The following PLEKHG6 variants were observed in gnomAD, a reference collection of about 807,000 sequenced individuals.
The protein encoded by PLEKHG6 is pleckstrin homology domain-containing family G member 6.
PLEKHG6 carries 91 observed loss-of-function variants against 97.5 expected under a neutral mutation model. The ratio of observed to expected loss-of-function variants is 0.93; its 90% CI spans 0.79 to 1.11. PLEKHG6 has a LOEUF of 1.11. PLEKHG6 is among the 50% of genes most tolerant of loss of function. The pLI is 0.00. For synonymous variants in PLEKHG6, 466 were observed against 425.5 expected, an observed-to-expected ratio of 1.10 and a Z score of -1.17; for missense variants, 1,044 against 1,031.0, an observed-to-expected ratio of 1.01 and a Z score of -0.17.
At chr12:6,317,833 TC>T in intron 9 of PLEKHG6, 23 bp from the exon 10 acceptor site, 1 of 1,542,030 alleles carries the variant, frequency 6.5e-7, no homozygotes, top group Non-Finnish European at 8.8e-7. Flanking sequence ...CCGTCCCTCC[TC>T]CCACACCCCC....
intron 13 of PLEKHG6, among the ~76,000 whole-genome samples, chr12:6,325,217 C>T (rs1947825051): frequency 6.6e-6 from 1 of 150,730 alleles, no homozygotes; most frequent in South Asian, 2.1e-4. Context: ...CCTTCTGTAA[C>T]TCTTTACCCT....
At position 6,313,702 on chromosome 12, in the gene PLEKHG6, C is replaced by T; in HGVS notation, c.212C>T (p.Pro71Leu). Residue 71 changes from proline to leucine, a missense_variant, in exon 3 of 16, where the codon CCC becomes CTC. Transcript: ENST00000684764. ...RGSGQARGLS[P>L]MRLRDPEPEK... ...TCTGGCCAGGCCCGAGGCCTGTCAC[C>T]CATGAGACTGCGAGATCCAGAGCCC... is the stretch of plus-strand genomic sequence containing the variant. The T allele has an allele frequency of 6.2e-7, 1 of 1,613,468 alleles. No homozygotes were observed.
intron 13 of PLEKHG6, among the ~76,000 whole-genome samples, chr12:6,325,563 C>A (rs934177374): frequency 6.6e-6 from 1 of 152,192 alleles, no homozygotes; most frequent in African/African-American, 2.4e-5. Flanking sequence ...ACTTTCCTCC[C>A]TCTGAAGGAC....
chr12:6,318,109 T>C, intron 10 of PLEKHG6, 115 bp downstream of exon 10: 1 of 1,386,844 alleles, frequency 7.2e-7, no homozygotes, highest in East Asian at 2.5e-5. Flanking sequence ...GTGTCCATCA[T>C]TCCTACCTGG....
chr12:6,313,743 G>A lies in PLEKHG6; in HGVS notation c.253G>A (p.Gly85Ser), dbSNP rs757941607. 2 of 1,607,892 alleles carry A rather than the reference G, an allele frequency of 1.2e-6. No individual in the cohort carries two copies. Among genetic ancestry groups the A allele is most frequent in the South Asian group, 2.2e-5 (2 of 90,356 alleles). ...TCCAGAGCCCGAGAAGAGGCACGGGGGCCATGTGGGGGCTGGCCTGCTTCA... is the reference window on the plus strand; with the variant it reads ...TCCAGAGCCCGAGAAGAGGCACGGGAGCCATGTGGGGGCTGGCCTGCTTCA... ...RDPEPEKRHG[G>S]HVGAGLLHSP... The change falls in exon 3 of 16, where the codon GGC becomes AGC. Residue 85 changes from glycine to serine, a missense_variant. Coordinates refer to ENST00000684764, the MANE Select transcript of PLEKHG6 (RefSeq NM_001384598.1).
intron 13 of PLEKHG6, among the ~76,000 whole-genome samples, chr12:6,324,488 C>T (rs529106866): frequency 1.5e-3 from 221 of 152,234 alleles, no homozygotes; most frequent in African/African-American, 5.1e-3. Flanking sequence ...CCCAGCAGGA[C>T]AAGCAGATCG....
At chr12:6,312,137 A>C in intron 1 of PLEKHG6, 22 bp from the exon 2 acceptor site, 4 of 1,155,512 alleles carry the variant, frequency 3.5e-6, no homozygotes, top group South Asian at 2.0e-5. Context: ...TGGCCCTTCC[A>C]TTCCTCTTTT....
Position 6,326,417 on chromosome 12 carries a change from T to C in PLEKHG6, c.1525-11T>C, listed in dbSNP as rs1344055426. ...ATGAGAGCTCTTAATAACGAAAGTG[T>C]CCTGTCCCAGGCCGCCCTACAGAAG... On this transcript the variant is annotated splice_polypyrimidine_tract_variant and intron_variant, in intron 13 of 15. Coordinates refer to ENST00000684764, the MANE Select transcript of PLEKHG6 (RefSeq NM_001384598.1). 6.2e-7 allele frequency: 1 copy of C among 1,612,256 alleles called. No homozygotes were observed. Among genetic ancestry groups the C allele is most frequent in the Admixed American group, 1.7e-5 (1 of 59,980 alleles).
intron 14 of PLEKHG6, 112 bp downstream of exon 14, chr12:6,326,685 C>A: frequency 9.5e-7 from 1 of 1,055,150 alleles, no homozygotes; most frequent in Non-Finnish European, 1.3e-6. Context: ...TAGAGGAACG[C>A]AGGCGTAGGG....
rs188449966 is a variant in PLEKHG6 at position 6,313,284 on chromosome 12, C to T, written c.139-345C>T. The T allele has an allele frequency of 1.4e-4, 160 of 1,155,672 alleles. 1 individual carries two copies. In the African/African-American group the frequency reaches 2.1e-3, roughly 15 times the overall value. 71.6% of individuals were successfully genotyped at this position (1,155,672 alleles called of 1,614,324 possible). ...GTGTGCACCACGCCTTGTCCATGCACCCCCCATGGTACGGAGAGCAGGAGG... is the reference window on the plus strand; with the variant it reads ...GTGTGCACCACGCCTTGTCCATGCATCCCCCATGGTACGGAGAGCAGGAGG... On this transcript the variant is annotated intron_variant, in intron 2 of 15. Transcript: ENST00000684764.
At position 6,327,655 on chromosome 12, in the gene PLEKHG6, G is replaced by A. The variant is rs748850095; in HGVS notation, c.2072G>A (p.Arg691Gln). The change falls in exon 15 of 16, where the codon CGG becomes CAG. Residue 691 changes from arginine to glutamine, a missense_variant. Coordinates refer to ENST00000684764, the MANE Select transcript of PLEKHG6 (RefSeq NM_001384598.1). ...VVETLHRARL[R>Q]GQLPSSPTHA... ...GAAACACTCCACAGGGCCCGGCTTCGGGGCCAGCTTCCCTCCTCCCCAACC... is the reference window on the plus strand; with the variant it reads ...GAAACACTCCACAGGGCCCGGCTTCAGGGCCAGCTTCCCTCCTCCCCAACC... 1.1e-5 allele frequency: 17 copies of A among 1,558,918 alleles called. No homozygotes were observed. The highest frequency in any genetic ancestry group is 9.5e-5 in the African/African-American group (7 of 73,364).
rs1369621949 is a variant in PLEKHG6, at chr12:6,317,848, C to T, written c.1018-9C>T. On this transcript the variant is annotated splice_polypyrimidine_tract_variant and intron_variant, in intron 9 of 15. Transcript: ENST00000684764. ...CCGTCCCTCCTCCCACACCCCCAAC[C>T]CCACCTAGATTGAAGCCGTGGAGTC... 1 of 1,550,044 alleles carries T rather than the reference C, an allele frequency of 6.5e-7. No homozygotes were observed. Among genetic ancestry groups the T allele is most frequent in the Non-Finnish European group, 8.7e-7 (1 of 1,145,564 alleles).
chr12:6,319,548 C>G, intron 13 of PLEKHG6: 2 of 1,531,734 alleles, frequency 1.3e-6, no homozygotes, highest in Non-Finnish European at 1.7e-6. Context: ...CAGTTTCAGA[C>G]TGGACAATCT....
rs1040264547 is a variant in PLEKHG6, at chr12:6,317,614, G to A, written c.935G>A (p.Arg312His). 7.4e-6 allele frequency: 12 copies of A among 1,613,830 alleles called. No individual in the cohort carries two copies. The highest frequency in any genetic ancestry group is 1.6e-4 in the Middle Eastern group (1 of 6,080). ...GACTTGCTTATCAAGCCCCACCAGC[G>A]CATCACCAAGTACCCACTGCTGCTC... ...LCDLLIKPHQ[R>H]ITKYPLLLHA... The change falls in exon 9 of 16, where the codon CGC (arginine) becomes CAC (histidine). Residue 312 changes from arginine (R) to histidine (H), a missense_variant. Arg to His is a conservative substitution (Grantham distance 29, BLOSUM62 0). Coordinates refer to ENST00000684764, the MANE Select transcript of PLEKHG6 (RefSeq NM_001384598.1).
chr12:6,326,964 A>G (rs191733093), intron 14 of PLEKHG6, among the ~76,000 whole-genome samples: 40 of 152,252 alleles, frequency 2.6e-4, no homozygotes, highest in Non-Finnish European at 4.4e-4. Flanking sequence ...AGAATCGATC[A>G]TTGAGGATAA....
intron 13 of PLEKHG6, among the ~76,000 whole-genome samples, chr12:6,320,806 T>C (rs1327068027): frequency 6.6e-6 from 1 of 152,150 alleles, no homozygotes; most frequent in Non-Finnish European, 1.5e-5. Flanking sequence ...AGTTAGACTT[T>C]TAAGGATAGG....
At position 6,312,337 on chromosome 12, in the gene PLEKHG6, A is replaced by G; in HGVS notation, c.111A>G (p.Arg37=). 1 of 1,582,060 alleles carries G rather than the reference A, an allele frequency of 6.3e-7. No individual in the cohort carries two copies. The highest frequency in any genetic ancestry group is 8.6e-7 in the Non-Finnish European group (1 of 1,167,422). ...CCTCTGCTCAGAGCACTGCTGGCAGACTCTATCCCCGAGGATACCCTGTGC... is the reference window on the plus strand; with the variant it reads ...CCTCTGCTCAGAGCACTGCTGGCAGGCTCTATCCCCGAGGATACCCTGTGC... ...HRASAQSTAG[R]LYPRGYPVLD... The change falls in exon 2 of 16, where the codon AGA becomes AGG. Residue 37 remains arginine, a synonymous_variant. Coordinates refer to ENST00000684764, the MANE Select transcript of PLEKHG6 (RefSeq NM_001384598.1).
At chr12:6,317,808 G>C (rs567928929) in intron 9 of PLEKHG6, 49 bp from the exon 10 acceptor site, 132 of 1,541,256 alleles carry the variant, frequency 8.6e-5, no homozygotes, top group Non-Finnish European at 1.1e-4. Flanking sequence ...CATTGGTTGG[G>C]AGGGGACGGC....
rs888989413 is a variant in PLEKHG6 at position 6,326,588 on chromosome 12, G to A, written c.1670+15G>A. 1.4e-5 allele frequency: 20 copies of A among 1,454,318 alleles called. No homozygotes were observed. Among genetic ancestry groups the A allele is most frequent in the Non-Finnish European group, 1.8e-5 (20 of 1,102,214 alleles). 90.1% of individuals were successfully genotyped at this position (1,454,318 alleles called of 1,614,324 possible). A position where few individuals can be genotyped will look rare whatever the true frequency, so the allele number is the denominator to read the frequency against. ...GCAGAGGGGAGGTAAGGCTCACACGGACTACAAGGTCTCCCCGAGCAGGAG... is the reference window on the plus strand; with the variant it reads ...GCAGAGGGGAGGTAAGGCTCACACGAACTACAAGGTCTCCCCGAGCAGGAG... On this transcript the variant is annotated intron_variant, in intron 14 of 15. Transcript: ENST00000684764.
Sources: gnomAD v4.1 joint callset for allele counts (sites outside exome capture counted in the v4.1 genomes callset) on GRCh38, gnomAD v4.1.1 for gene constraint, MANE v1.5 for transcripts, NCBI Gene and HGNC (gene_info 2026-07-23, HGNC 2026-07-21) for gene names.